TMEM225B: variants seen among roughly 807,000 people sequenced by gnomAD.
TMEM225B encodes the protein transmembrane protein 225B.
Under a neutral mutation model 16.9 loss-of-function variants are expected in TMEM225B, and 10 were observed. The ratio of observed to expected loss-of-function variants is 0.59; its 90% confidence interval spans 0.36 to 1.00. The LOEUF is 1.00. Among genes scored for constraint, TMEM225B ranks in the 50% least tolerant of loss-of-function variants. The probability of loss-of-function intolerance (pLI) is 0.01; values close to 1 mark genes in which losing one functional copy is unlikely to be tolerated. For synonymous variants in TMEM225B, 92 were observed against 109.8 expected, an observed-to-expected ratio of 0.84 and a Z score of 1.01; for missense variants, 217 against 267.0, an observed-to-expected ratio of 0.81 and a Z score of 1.30.
chr7:99,608,794 T>C (rs115497355), intron 5 of TMEM225B, among the ~76,000 whole-genome samples: 3,891 of 149,120 alleles, frequency 0.026, 152 homozygotes, highest in African/African-American at 0.085. Flanking sequence ...TATATGTATG[T>C]GTGTATATAT....
rs148060054 is a variant in TMEM225B at position 99,611,008 on chromosome 7, T to C, written c.*443T>C. ...AAGAATTTACCAAGACGGTTGTAGATAAAGAAAGGCAGATTTATTAAAGGA... is the reference window on the plus strand; with the variant it reads ...AAGAATTTACCAAGACGGTTGTAGACAAAGAAAGGCAGATTTATTAAAGGA... On this transcript the variant is annotated 3_prime_UTR_variant, in exon 6 of 6. Transcript: ENST00000431679. 2.1e-3 allele frequency among the ~76,000 whole-genome samples: 313 copies of C among 152,214 alleles called. 2 individuals carry two copies. Among genetic ancestry groups the C allele is most frequent in the African/African-American group, 7.3e-3 (304 of 41,520 alleles).
chr7:99,606,184 C>T lies in TMEM225B; in HGVS notation c.209-564C>T, dbSNP rs78441707. ...GTGGCTCACGCCTGTCATCCCAGCG[C>T]GTTGAGAGGCCAAAATGGGAGGATC... On this transcript the variant is annotated intron_variant, in intron 3 of 5. Transcript: ENST00000431679. Among the ~76,000 whole-genome samples, 1,344 of 152,298 alleles carry T rather than the reference C, an allele frequency of 8.8e-3. 20 individuals carry two copies. Among genetic ancestry groups the T allele is most frequent in the African/African-American group, 0.03 (1,267 of 41,554 alleles).
intron 2 of TMEM225B, among the ~76,000 whole-genome samples, chr7:99,600,988 G>A (rs1805312891): frequency 6.6e-6 from 1 of 152,114 alleles, no homozygotes; most frequent in African/African-American, 2.4e-5. Context: ...GGGTTTGGGT[G>A]AAGGAGAGAA....
At chr7:99,599,125 A>ATTTTTTTTTTTTTTT (rs769617190) in intron 1 of TMEM225B, among the ~76,000 whole-genome samples, 15 of 115,510 alleles carry the variant, frequency 1.3e-4, no homozygotes, top group African/African-American at 4.7e-4. Flanking sequence ...CGCCTGGCTA[A>ATTTTTTTTTTTTTTT]TTTTTTTTTT....
chr7:99,608,370 G>A (rs764372959), intron 5 of TMEM225B, among the ~76,000 whole-genome samples: 5 of 152,080 alleles, frequency 3.3e-5, no homozygotes, highest in Non-Finnish European at 7.4e-5. Flanking sequence ...GGACAGTGCA[G>A]ACAGAGAAAT....
chr7:99,604,539 A>C lies in TMEM225B; in HGVS notation c.151A>C (p.Ser51Arg). ...CGAGGAGTCCCACGAAGTCTTTTTC[A>C]GTGGCCTATTTGAGAACTGCTTCAA... is the stretch of plus-strand genomic sequence containing the variant. The part of the protein sequence containing the change: ...TNEESHEVFF[S>R]GLFENCFNAK... Residue 51 changes from serine (S) to arginine (R), a missense_variant, in exon 3 of 6, where the codon AGT becomes CGT. By Grantham distance (110) the Ser-to-Arg change is moderately radical. Coordinates refer to ENST00000431679, the MANE Select transcript of TMEM225B (RefSeq NM_001195541.3). The C allele has an allele frequency of 6.5e-7, 1 of 1,536,090 alleles. No homozygotes were observed. The highest frequency in any genetic ancestry group is 2.0e-5 in the Admixed American group (1 of 51,004).
Position 99,610,826 on chromosome 7 carries a change from C to T in TMEM225B, c.*261C>T, listed in dbSNP as rs1806280022. ...CAATAAAAAGAAGGGCTACTTTGTT[C>T]ATCCATATCTCAAAAACCAAGTCCG... is the stretch of plus-strand genomic sequence containing the variant. On this transcript the variant is annotated 3_prime_UTR_variant, in exon 6 of 6. Transcript: ENST00000431679. The T allele has an allele frequency of 2.6e-5, 9 of 346,364 alleles. No homozygotes were observed. In the South Asian group the frequency reaches 4.7e-4, roughly 18 times the overall value. 21.5% of individuals were successfully genotyped at this position (346,364 alleles called of 1,614,324 possible). A position where few individuals can be genotyped will look rare whatever the true frequency, so the allele number is the denominator to read the frequency against.
intron 4 of TMEM225B, 124 bp downstream of exon 4, chr7:99,607,018 C>G: frequency 8.6e-6 from 9 of 1,051,006 alleles, no homozygotes; most frequent in Non-Finnish European, 1.2e-5. Flanking sequence ...GACAGGGTCT[C>G]ACTCTGTTAC....
rs1421582922 is a variant in TMEM225B at position 99,598,278 on chromosome 7, C to CA, written c.-187dup. 1 of 152,402 alleles carries CA rather than the reference C, an allele frequency of 6.6e-6. No homozygotes were observed. Among genetic ancestry groups the CA allele is most frequent in the Non-Finnish European group, 1.5e-5 (1 of 68,170 alleles). The allele number at this position is 152,402 out of a possible 1,614,324, so 9.4% of individuals were successfully genotyped here. A position where few individuals can be genotyped will look rare whatever the true frequency, so the allele number is the denominator to read the frequency against. Reference sequence around the variant, plus strand: ...GGGCCTCTGGGGCCAACGGAAGCTCCAGGAGCGCGGTGGAGCCTGGAGTGG... The same window carrying CA: ...GGGCCTCTGGGGCCAACGGAAGCTCCAAGGAGCGCGGTGGAGCCTGGAGTGG... On this transcript the variant is annotated 5_prime_UTR_variant, in exon 1 of 6. Coordinates refer to ENST00000431679, the MANE Select transcript of TMEM225B (RefSeq NM_001195541.3).
In TMEM225B at chr7:99,600,373, G is replaced by C. The variant is rs1388767286; in HGVS notation, c.-4+88G>C. ...CCAAGCTGCACTTTTCAGGGGAGTG[G>C]GGTTTGGAAAATCTGGGGAGCAGAA... On this transcript the variant is annotated intron_variant, in intron 2 of 5. Transcript: ENST00000431679. The C allele has an allele frequency of 1.0e-5, 7 of 690,290 alleles. No individual in the cohort carries two copies. The East Asian group carries it at 1.9e-4, about 19-fold the overall frequency. 42.8% of individuals were successfully genotyped at this position (690,290 alleles called of 1,614,324 possible).
chr7:99,609,238 C>CA (rs1420018653), intron 5 of TMEM225B, among the ~76,000 whole-genome samples: 1 of 152,104 alleles, frequency 6.6e-6, no homozygotes, highest in Admixed American at 6.6e-5. Context: ...AATAGAGTTA[C>CA]AATATTTTAT....
chr7:99,599,719 A>G (rs1805183700), intron 1 of TMEM225B, among the ~76,000 whole-genome samples: 1 of 152,192 alleles, frequency 6.6e-6, no homozygotes, highest in South Asian at 2.1e-4. Context: ...CTCTGGATCC[A>G]CAGAATTCCA....
chr7:99,610,261 ATC>A (rs1806234804), intron 5 of TMEM225B, 130 bp from the exon 6 acceptor site: 1 of 618,272 alleles, frequency 1.6e-6, no homozygotes, highest in Non-Finnish European at 2.8e-6. Flanking sequence ...CCTGTCTGTA[ATC>A]TCTCTCTGTA....
chr7:99,608,838 C>CTTATATATATATATATATATATAT (rs1562956515), intron 5 of TMEM225B, among the ~76,000 whole-genome samples: 1 of 110,020 alleles, frequency 9.1e-6, no homozygotes. Context: ...TGTGTGTGCA[C>CTTATATATATATATATATATATAT]GTATATATAT....
chr7:99,603,821 G>T (rs1457285873), intron 2 of TMEM225B, among the ~76,000 whole-genome samples: 1 of 150,926 alleles, frequency 6.6e-6, no homozygotes, highest in African/African-American at 2.5e-5. Context: ...GAGGGCAGTG[G>T]TGTGATCATG....
Position 99,607,756 on chromosome 7 carries a change from G to A in TMEM225B, c.439G>A (p.Val147Met), listed in dbSNP as rs957519762. The change falls in exon 5 of 6, where the codon GTG becomes ATG. Residue 147 changes from valine to methionine, a missense_variant. Coordinates refer to ENST00000431679, the MANE Select transcript of TMEM225B (RefSeq NM_001195541.3). Reference protein sequence around the residue: ...RMKLGPLQFSVLWPYYVLGFG... With the variant: ...RMKLGPLQFSMLWPYYVLGFG... ...GAAGCTCGGCCCCCTGCAGTTCTCCGTGCTGTGGCCTTACTACGTGCTGGG... is the reference window on the plus strand; with the variant it reads ...GAAGCTCGGCCCCCTGCAGTTCTCCATGCTGTGGCCTTACTACGTGCTGGG... 25 of 1,535,950 alleles carry A rather than the reference G, an allele frequency of 1.6e-5. No homozygotes were observed. The highest frequency in any genetic ancestry group is 3.3e-4 in the Middle Eastern group (2 of 6,008).
chr7:99,607,903 T>C, intron 5 of TMEM225B, 93 bp downstream of exon 5: 1 of 1,376,880 alleles, frequency 7.3e-7, no homozygotes, highest in Non-Finnish European at 9.7e-7. Context: ...TTCTCTAGAA[T>C]TGCACTGTTC....
chr7:99,604,634 A>C, intron 3 of TMEM225B, 38 bp downstream of exon 3: 1 of 1,469,896 alleles, frequency 6.8e-7, no homozygotes, highest in Non-Finnish European at 9.2e-7. Flanking sequence ...AGAGAGGGAG[A>C]TGGGGCCAGT....
rs1348256533 is a variant in TMEM225B, at chr7:99,610,596, A to C, written c.*31A>C. 2 of 1,532,822 alleles carry C rather than the reference A, an allele frequency of 1.3e-6. No homozygotes were observed. Among genetic ancestry groups the C allele is most frequent in the African/African-American group, 1.4e-5 (1 of 72,926 alleles). The allele number at this position is 1,532,822 out of a possible 1,614,324, so 95.0% of individuals were successfully genotyped here. ...GACATGGCTTCTTTACCCTTCTTCA[A>C]GCCATGTGAGTGTACACATGTAGCT... On this transcript the variant is annotated 3_prime_UTR_variant, in exon 6 of 6. Coordinates refer to ENST00000431679, the MANE Select transcript of TMEM225B (RefSeq NM_001195541.3).
Sources: allele counts gnomAD v4.1 joint callset (sites outside exome capture counted in the v4.1 genomes callset), GRCh38; gene constraint gnomAD v4.1.1; transcripts MANE v1.5; gene names NCBI Gene and HGNC (gene_info 2026-07-23, HGNC 2026-07-21).